RTN4: variants seen among roughly 807,000 people sequenced by gnomAD.
RTN4 encodes reticulon 4.
A neutral mutation model predicts 90.4 loss-of-function variants in RTN4; 32 were observed. The ratio of observed to expected loss-of-function variants is 0.35; its 90% CI spans 0.27 to 0.48. RTN4 has a LOEUF of 0.48. Among genes scored for constraint, RTN4 ranks in the 20% least tolerant of loss-of-function variants. The pLI, the probability that RTN4 is intolerant of heterozygous loss-of-function variation, is 0.99. For missense variants in RTN4, 1,706 were observed against 1,430.2 expected, an observed-to-expected ratio of 1.19 and a Z score of -3.11; for synonymous variants, 629 against 552.5, an observed-to-expected ratio of 1.14 and a Z score of -1.94.
chr2:55,003,079 G>A (rs1467101568), intron 3 of RTN4, among the ~76,000 whole-genome samples: 1 of 152,108 alleles, frequency 6.6e-6, no homozygotes, highest in Non-Finnish European at 1.5e-5. Context: ...AAAACATACT[G>A]TCCCGTAACT....
chr2:55,057,930 G>C (rs1374750089), intron 2 of RTN4, among the ~76,000 whole-genome samples: 1 of 152,126 alleles, frequency 6.6e-6, no homozygotes, highest in Non-Finnish European at 1.5e-5. Flanking sequence ...TTACAGTAAG[G>C]CATGATTGTA....
rs1558824463 is a variant in RTN4, at chr2:55,027,127, GATT to G, written c.969_971del (p.Ile324del). 6.2e-7 allele frequency: 1 copy of G among 1,613,102 alleles called. No individual in the cohort carries two copies. The highest frequency in any genetic ancestry group is 8.5e-7 in the Non-Finnish European group (1 of 1,179,652). On this transcript the variant is annotated inframe_deletion, in exon 3 of 9. Coordinates refer to ENST00000337526, the MANE Select transcript of RTN4 (RefSeq NM_020532.5). ...TCTCTTCTTCATCTTTATTTTTCACGATTATTTCTTCCCTAGGATTTGCTACTA... is the reference window on the plus strand; with the variant it reads ...TCTCTTCTTCATCTTTATTTTTCACGATTTCTTCCCTAGGATTTGCTACTA...
rs762141160 is a variant in RTN4 at position 55,050,344 on chromosome 2, C to G, written c.-44G>C. ...ATGCTGCAGCTGCTGCCGCCGCCGC[C>G]GGGGCCGCGTCTCAGAGCCGCGGGC... On this transcript the variant is annotated 5_prime_UTR_variant, in exon 1 of 9. Coordinates refer to ENST00000337526, the MANE Select transcript of RTN4 (RefSeq NM_020532.5). The surrounding 1 kb of genome is among the most constrained non-coding windows in gnomAD (Gnocchi z 4.6). 2 of 1,284,152 alleles carry G rather than the reference C, an allele frequency of 1.6e-6. No homozygotes were observed. The highest frequency in any genetic ancestry group is 3.1e-5 in the African/African-American group (2 of 65,084). 79.5% of individuals were successfully genotyped at this position (1,284,152 alleles called of 1,614,324 possible). A position where few individuals can be genotyped will look rare whatever the true frequency, so the allele number is the denominator to read the frequency against.
chr2:55,104,787 T>C (rs187733350), intron 1 of RTN4, among the ~76,000 whole-genome samples: 2 of 152,070 alleles, frequency 1.3e-5, no homozygotes, highest in African/African-American at 4.8e-5. Context: ...AGTATCTGTT[T>C]ATTGTTTTGT....
intron 2 of RTN4, among the ~76,000 whole-genome samples, chr2:55,069,732 C>G (rs2105014686): frequency 6.6e-6 from 1 of 152,338 alleles, no homozygotes; most frequent in South Asian, 2.1e-4. Context: ...GGGGCACCTG[C>G]AGGGCCTGCA....
chr2:55,132,332 G>C, the RTN4 span, among the ~76,000 whole-genome samples: 3 of 151,924 alleles, frequency 2.0e-5, no homozygotes, highest in Admixed American at 2.0e-4. Flanking sequence ...GCGAAACCCC[G>C]TCTCTACTAA....
chr2:55,076,546 T>A (rs1179045041), intron 2 of RTN4, among the ~76,000 whole-genome samples: 1 of 152,004 alleles, frequency 6.6e-6, no homozygotes, highest in Admixed American at 6.6e-5. Flanking sequence ...ACTATAGGCA[T>A]GCATAACCAC....
chr2:55,018,238 T>TA (rs777124108), intron 3 of RTN4, among the ~76,000 whole-genome samples: 3 of 152,198 alleles, frequency 2.0e-5, no homozygotes, highest in Non-Finnish European at 2.9e-5. Flanking sequence ...CCATAAATGA[T>TA]AGTCTTCCCT....
intron 1 of RTN4, among the ~76,000 whole-genome samples, chr2:55,108,254 C>A (rs922691328): frequency 6.6e-6 from 1 of 152,044 alleles, no homozygotes; most frequent in Non-Finnish European, 1.5e-5. Flanking sequence ...CCCACCCAGC[C>A]CAGTTCTTTA....
intron 1 of RTN4, among the ~76,000 whole-genome samples, chr2:55,043,781 G>A (rs1303880885): frequency 6.6e-6 from 1 of 152,132 alleles, no homozygotes; most frequent in Non-Finnish European, 1.5e-5. Flanking sequence ...AGCTACTCGG[G>A]AGGCTGAGGC....
chr2:55,028,895 G>A (rs761276533), intron 1 of RTN4, among the ~76,000 whole-genome samples: 1 of 152,168 alleles, frequency 6.6e-6, no homozygotes, highest in Non-Finnish European at 1.5e-5. Flanking sequence ...TAGTAAGTGA[G>A]AGACTAAGGC....
intron 1 of RTN4, among the ~76,000 whole-genome samples, chr2:55,093,019 C>T (rs1044747648): frequency 7.2e-5 from 11 of 152,162 alleles, no homozygotes; most frequent in African/African-American, 2.7e-4. Context: ...ATAAAAATAA[C>T]CATTGTGTGT....
At chr2:55,009,792 G>A (rs1397630348) in intron 3 of RTN4, among the ~76,000 whole-genome samples, 4 of 152,122 alleles carry the variant, frequency 2.6e-5, no homozygotes, top group African/African-American at 4.8e-5. Flanking sequence ...TCCAAGTGAC[G>A]AACAAATGAA....
At chr2:55,041,324 C>A (rs1349424813) in intron 1 of RTN4, among the ~76,000 whole-genome samples, 2 of 151,928 alleles carry the variant, frequency 1.3e-5, no homozygotes, top group African/African-American at 4.8e-5. Context: ...TATTTCAATT[C>A]TCCCCAAAAT....
At chr2:55,040,494 G>A (rs2104936991) in intron 1 of RTN4, among the ~76,000 whole-genome samples, 1 of 152,128 alleles carries the variant, frequency 6.6e-6, no homozygotes, top group African/African-American at 2.4e-5. Context: ...TGAGATAAAT[G>A]AACTCAATAA....
rs550101388 is a variant in RTN4, at chr2:54,973,863, G to A, written c.3435C>T (p.Leu1145=). The A allele has an allele frequency of 1.6e-5, 25 of 1,612,480 alleles. No homozygotes were observed. In the South Asian group the frequency reaches 2.4e-4, roughly 16 times the overall value. The change falls in exon 7 of 9, where the codon CTC becomes CTT. Residue 1145 remains leucine (L), a synonymous_variant. Coordinates refer to ENST00000337526, the MANE Select transcript of RTN4 (RefSeq NM_020532.5). The part of the protein sequence containing the change: ...FNGLTLLILA[L]ISLFSVPVIY... ...TAACAGGAACACTGAAGAGTGAAAT[G>A]AGAGCTGAAAAGGGAAATATACAAC...
intron 1 of RTN4, chr2:55,048,991 G>T: frequency 1.9e-6 from 1 of 517,088 alleles, no homozygotes; most frequent in Non-Finnish European, 2.5e-6. Context: ...CGAACACAAT[G>T]CCTAGATCCC....
At chr2:55,120,305 T>G in the RTN4 span, among the ~76,000 whole-genome samples, 1 of 152,184 alleles carries the variant, frequency 6.6e-6, no homozygotes, top group Non-Finnish European at 1.5e-5. Flanking sequence ...CCCAGCAGGT[T>G]TCCCCCTATC....
chr2:55,027,792 A>T (rs1682018389), intron 2 of RTN4, among the ~76,000 whole-genome samples: 1 of 152,216 alleles, frequency 6.6e-6, no homozygotes, highest in Non-Finnish European at 1.5e-5. Flanking sequence ...AGAGAAGAAT[A>T]TCTGTGAAAA....
Sources: gnomAD v4.1 joint callset for allele counts (sites outside exome capture counted in the v4.1 genomes callset) on GRCh38, gnomAD v4.1.1 for gene constraint, Gnocchi (gnomAD v3.1) non-coding constraint, MANE v1.5 for transcripts, NCBI Gene and HGNC (gene_info 2026-07-23, HGNC 2026-07-21) for gene names.